SGCZ: variants seen among roughly 807,000 people sequenced by gnomAD.
SGCZ encodes zeta-sarcoglycan.
In SGCZ, 40 loss-of-function variants were observed where a neutral mutation model predicts 41.3. The observed-to-expected ratio is 0.97, with a 90% CI of 0.75 to 1.26. SGCZ has a LOEUF of 1.26. Among genes scored for constraint, SGCZ ranks in the 50% most tolerant of loss-of-function variants. The pLI is 0.00. For missense variants in SGCZ, 552 were observed against 369.8 expected, an observed-to-expected ratio of 1.49 and a Z score of -4.04; for synonymous variants, 206 against 137.5, an observed-to-expected ratio of 1.50 and a Z score of -3.49.
chr8:15,012,413 T>C (rs1469755368), intron 1 of SGCZ, among the ~76,000 whole-genome samples: 2 of 150,152 alleles, frequency 1.3e-5, no homozygotes, highest in East Asian at 3.9e-4. Context: ...CAGTGAGCTA[T>C]GATCACCTCA....
intron 2 of SGCZ, among the ~76,000 whole-genome samples, chr8:14,450,152 A>T (rs60619679): frequency 0.012 from 1,792 of 152,282 alleles, 37 homozygotes; most frequent in African/African-American, 0.042. Context: ...TGAATGTCCC[A>T]TAAGGCCATG....
intron 2 of SGCZ, among the ~76,000 whole-genome samples, chr8:14,525,537 GAGAA>G (rs1802920722): frequency 6.6e-6 from 1 of 152,052 alleles, no homozygotes; most frequent in African/African-American, 2.4e-5. Context: ...CCATGATCAT[GAGAA>G]AGATTATATA....
chr8:14,267,187 A>G (rs983538494), intron 3 of SGCZ, among the ~76,000 whole-genome samples: 2 of 152,058 alleles, frequency 1.3e-5, no homozygotes, highest in African/African-American at 4.8e-5. Flanking sequence ...TTATGGATTA[A>G]GTAATATCCT....
intron 1 of SGCZ, among the ~76,000 whole-genome samples, chr8:14,903,152 C>G (rs1270045239): frequency 6.6e-6 from 1 of 152,096 alleles, no homozygotes; most frequent in Non-Finnish European, 1.5e-5. Flanking sequence ...ACTATATCAT[C>G]TGCCTCAATG....
intron 1 of SGCZ, among the ~76,000 whole-genome samples, chr8:15,163,951 G>T (rs1259549363): frequency 6.6e-6 from 1 of 152,222 alleles, no homozygotes; most frequent in South Asian, 2.1e-4. Flanking sequence ...AGTTCAGGAC[G>T]TTTACAGGGG....
intron 3 of SGCZ, among the ~76,000 whole-genome samples, chr8:14,288,664 T>C (rs571349554): frequency 1.3e-5 from 2 of 152,302 alleles, no homozygotes; most frequent in Admixed American, 6.5e-5. Context: ...GGATTTACCA[T>C]ATTTTATCTA....
At chr8:15,039,905 T>C (rs1488565575) in intron 1 of SGCZ, among the ~76,000 whole-genome samples, 1 of 152,236 alleles carries the variant, frequency 6.6e-6, no homozygotes, top group Admixed American at 6.5e-5. Context: ...TAAGTTCCAA[T>C]ACCATTTTAT....
intron 1 of SGCZ, among the ~76,000 whole-genome samples, chr8:15,056,457 G>A (rs1804706472): frequency 6.6e-6 from 1 of 151,060 alleles, no homozygotes; most frequent in Admixed American, 6.6e-5. Flanking sequence ...ATTGTAAGTT[G>A]AACAAAAAAC....
intron 1 of SGCZ, among the ~76,000 whole-genome samples, chr8:14,884,255 G>A (rs1804703375): frequency 6.6e-6 from 1 of 152,078 alleles, no homozygotes; most frequent in Non-Finnish European, 1.5e-5. Context: ...TTCCCTTAGT[G>A]CCAAAGTGCT....
intron 1 of SGCZ, among the ~76,000 whole-genome samples, chr8:14,853,826 G>C (rs1230609827): frequency 2.6e-5 from 4 of 151,736 alleles, no homozygotes; most frequent in South Asian, 4.2e-4. Flanking sequence ...TCTTTCTTCA[G>C]ATGAACCAGA....
intron 1 of SGCZ, among the ~76,000 whole-genome samples, chr8:15,097,894 A>G (rs374557408): frequency 0.81 from 100,002 of 123,718 alleles, 41,334 homozygotes; most frequent in Non-Finnish European, 0.87. Flanking sequence ...GTGTGTATAT[A>G]TATATATATA....
intron 1 of SGCZ, among the ~76,000 whole-genome samples, chr8:14,954,907 CAT>C (rs1341540824): frequency 7.2e-5 from 11 of 152,258 alleles, no homozygotes; most frequent in African/African-American, 2.6e-4. Flanking sequence ...AGAAAACAAA[CAT>C]AAATTTGTAA....
intron 2 of SGCZ, among the ~76,000 whole-genome samples, chr8:14,354,294 C>A (rs1803211657): frequency 6.6e-6 from 1 of 151,628 alleles, no homozygotes; most frequent in Non-Finnish European, 1.5e-5. Context: ...TAGAAATAAT[C>A]TGAAATTAAT....
chr8:15,123,204 G>A (rs1563138125), intron 1 of SGCZ, among the ~76,000 whole-genome samples: 1 of 152,096 alleles, frequency 6.6e-6, no homozygotes, highest in African/African-American at 2.4e-5. Flanking sequence ...AGCATCCTAA[G>A]TTTTTTCCAG....
At chr8:14,205,038 C>A (rs1182953856) in intron 4 of SGCZ, among the ~76,000 whole-genome samples, 1 of 152,156 alleles carries the variant, frequency 6.6e-6, no homozygotes, top group Non-Finnish European at 1.5e-5. Context: ...TATTTATTAT[C>A]TATCTATGCA....
chr8:14,728,366 A>G (rs774676878), intron 1 of SGCZ, among the ~76,000 whole-genome samples: 1 of 142,610 alleles, frequency 7.0e-6, no homozygotes, highest in Non-Finnish European at 1.5e-5. Flanking sequence ...AAGTAGAACC[A>G]AAAGAGTGGA....
rs1798974091 is a variant in SGCZ at position 14,398,248 on chromosome 8, C to T, written c.235-74044G>A. ...AAGGTGGGAGAGTTATTCGAGCATT[C>T]TAAACTTAGTTTTCTCAGCTTTGAA... is the stretch of plus-strand genomic sequence containing the variant. On this transcript the variant is annotated intron_variant, in intron 2 of 7. Transcript: ENST00000382080. 2.0e-5 allele frequency among the ~76,000 whole-genome samples: 3 copies of T among 152,130 alleles called. 1 individual carries two copies. The highest frequency in any genetic ancestry group is 7.2e-5 in the African/African-American group (3 of 41,434).
intron 2 of SGCZ, among the ~76,000 whole-genome samples, chr8:14,332,211 G>A (rs371517175): frequency 5.9e-5 from 9 of 152,154 alleles, no homozygotes; most frequent in Admixed American, 6.5e-5. Context: ...CGAAGCGGGC[G>A]GATCACGAGT....
chr8:14,791,147 A>G (rs1800938946), intron 1 of SGCZ, among the ~76,000 whole-genome samples: 1 of 152,132 alleles, frequency 6.6e-6, no homozygotes, highest in Admixed American at 6.6e-5. Flanking sequence ...AATATTCTAT[A>G]CTTCCTATAA....
Sources: allele counts gnomAD v4.1 joint callset (sites outside exome capture counted in the v4.1 genomes callset), GRCh38; gene constraint gnomAD v4.1.1; transcripts MANE v1.5; gene names NCBI Gene and HGNC (gene_info 2026-07-23, HGNC 2026-07-21).